DENND1B: variants seen among roughly 807,000 people sequenced by gnomAD.
DENND1B encodes the protein DENN domain-containing protein 1B.
Under a neutral mutation model 90.1 loss-of-function variants are expected in DENND1B, and 59 were observed. The ratio of observed to expected loss-of-function variants is 0.65; its 90% CI spans 0.53 to 0.81. DENND1B has a LOEUF of 0.81. Among genes scored for constraint, DENND1B ranks in the 40% least tolerant of loss-of-function variants. The pLI, the probability that DENND1B is intolerant of heterozygous loss-of-function variation, is 0.00. For synonymous variants in DENND1B, 337 were observed against 324.6 expected (o/e 1.04, Z -0.41); for missense variants, 862 against 912.6 (o/e 0.94, Z 0.71).
intron 3 of DENND1B, among the ~76,000 whole-genome samples, chr1:197,678,740 T>C (rs1196386571): frequency 6.6e-6 from 1 of 152,196 alleles, no homozygotes; most frequent in Non-Finnish European, 1.5e-5. Flanking sequence ...TCATCTTTTA[T>C]TTTTAAGAAG....
intron 2 of DENND1B, among the ~76,000 whole-genome samples, chr1:197,721,921 A>G (rs1661218283): frequency 6.6e-6 from 1 of 152,206 alleles, no homozygotes; most frequent in Non-Finnish European, 1.5e-5. Context: ...AGGAACAATT[A>G]TGGAGGACTA....
intron 14 of DENND1B, among the ~76,000 whole-genome samples, chr1:197,589,669 C>T (rs1380683048): frequency 6.6e-6 from 1 of 152,158 alleles, no homozygotes; most frequent in Non-Finnish European, 1.5e-5. Context: ...AACAACATTA[C>T]TTACTGATAA....
At chr1:197,585,927 C>T (rs1674655217) in intron 14 of DENND1B, among the ~76,000 whole-genome samples, 1 of 152,056 alleles carries the variant, frequency 6.6e-6, no homozygotes, top group African/African-American at 2.4e-5. Context: ...AAGAATTCTG[C>T]CTATGATTTT....
chr1:197,617,873 T>A (rs1458098910), intron 10 of DENND1B, 114 bp from the exon 11 acceptor site: 10 of 713,710 alleles, frequency 1.4e-5, no homozygotes, highest in Non-Finnish European at 2.5e-5. Context: ...CATAACTACA[T>A]AAATCACATT....
intron 12 of DENND1B, among the ~76,000 whole-genome samples, chr1:197,607,752 AAATTT>A (rs1676821993): frequency 1.3e-5 from 2 of 150,768 alleles, no homozygotes; most frequent in African/African-American, 4.8e-5. Context: ...AGAAGGTACC[AAATTT>A]AATAGCCTAT....
chr1:197,572,428 C>T (rs1008794548), intron 15 of DENND1B, among the ~76,000 whole-genome samples: 2 of 152,160 alleles, frequency 1.3e-5, no homozygotes, highest in African/African-American at 4.8e-5. Context: ...TCGAACTGGG[C>T]GGAGGCCACT....
At chr1:197,625,517 C>G (rs1426402832) in intron 10 of DENND1B, among the ~76,000 whole-genome samples, 2 of 152,044 alleles carry the variant, frequency 1.3e-5, no homozygotes, top group Non-Finnish European at 2.9e-5. Flanking sequence ...GAAGGAAGCA[C>G]TAAACATGGA....
chr1:197,770,665 TATATCTATAAATATAC>T (rs1656358805), intron 2 of DENND1B, among the ~76,000 whole-genome samples: 1 of 144,236 alleles, frequency 6.9e-6, no homozygotes, highest in Non-Finnish European at 1.5e-5. Context: ...TCTATAAATA[TATATCTATAAATATAC>T]ATATCTATAA....
chr1:197,523,332 G>A (rs1201266546), intron 20 of DENND1B, among the ~76,000 whole-genome samples: 1 of 152,078 alleles, frequency 6.6e-6, no homozygotes, highest in Non-Finnish European at 1.5e-5. Flanking sequence ...TACTACCACT[G>A]AGCAGGGCAG....
intron 3 of DENND1B, among the ~76,000 whole-genome samples, chr1:197,691,603 T>C (rs1207196976): frequency 1.3e-5 from 2 of 152,014 alleles, no homozygotes; most frequent in African/African-American, 4.8e-5. Flanking sequence ...TTCCCACTCC[T>C]GGGTATTTAT....
chr1:197,555,743 T>C (rs989947368), intron 15 of DENND1B, among the ~76,000 whole-genome samples: 5 of 152,120 alleles, frequency 3.3e-5, no homozygotes, highest in Non-Finnish European at 7.4e-5. Flanking sequence ...GGAACACTTA[T>C]ACACTGTCGG....
intron 2 of DENND1B, among the ~76,000 whole-genome samples, chr1:197,766,386 T>C (rs1655700883): frequency 6.6e-6 from 1 of 152,240 alleles, no homozygotes. Flanking sequence ...ACTCAGACTT[T>C]TTCCATGTTG....
intron 2 of DENND1B, among the ~76,000 whole-genome samples, chr1:197,743,635 C>T (rs1201655400): frequency 6.6e-6 from 1 of 152,134 alleles, no homozygotes; most frequent in Non-Finnish European, 1.5e-5. Flanking sequence ...TTTCTTTGTA[C>T]CATAAGATGT....
chr1:197,633,122 T>C (rs148073871), intron 10 of DENND1B, among the ~76,000 whole-genome samples: 1 of 152,222 alleles, frequency 6.6e-6, no homozygotes, highest in African/African-American at 2.4e-5. Flanking sequence ...AAGGAAGCCA[T>C]ACATACCAAT....
chr1:197,551,226 A>G (rs1176989902), intron 16 of DENND1B, among the ~76,000 whole-genome samples: 1 of 152,072 alleles, frequency 6.6e-6, no homozygotes, highest in East Asian at 1.9e-4. Flanking sequence ...TTCATCTACA[A>G]AAAAAGTCTA....
chr1:197,617,342 A>G (rs893748133), intron 11 of DENND1B, among the ~76,000 whole-genome samples: 1 of 151,138 alleles, frequency 6.6e-6, no homozygotes, highest in African/African-American at 2.4e-5. Flanking sequence ...GGGTTCTCTA[A>G]CTGACACCAT....
chr1:197,745,111 C>T (rs961579701), intron 2 of DENND1B, among the ~76,000 whole-genome samples: 8 of 152,190 alleles, frequency 5.3e-5, no homozygotes, highest in African/African-American at 4.8e-5. Context: ...TGGTTCCATC[C>T]AGACCACTAA....
chr1:197,744,208 A>C (rs756969608), intron 2 of DENND1B, among the ~76,000 whole-genome samples: 1 of 152,180 alleles, frequency 6.6e-6, no homozygotes, highest in Non-Finnish European at 1.5e-5. Flanking sequence ...AAATATTCTT[A>C]ATGACATCTA....
At chr1:197,561,905 A>T (rs1672200456) in intron 15 of DENND1B, among the ~76,000 whole-genome samples, 1 of 151,832 alleles carries the variant, frequency 6.6e-6, no homozygotes, top group African/African-American at 2.4e-5. Flanking sequence ...TCTTCAATCA[A>T]CAGTTCCACA....
Sources: gnomAD v4.1 joint callset for allele counts (sites outside exome capture counted in the v4.1 genomes callset) on GRCh38, gnomAD v4.1.1 for gene constraint, MANE v1.5 for transcripts, NCBI Gene and HGNC (gene_info 2026-07-23, HGNC 2026-07-21) for gene names.